SDF4: variants seen among roughly 807,000 people sequenced by gnomAD.
SDF4 encodes the protein 45 kDa calcium-binding protein.
A neutral mutation model predicts 34.2 loss-of-function variants in SDF4; 22 were observed. The observed-to-expected ratio is 0.64, with a 90% confidence interval of 0.46 to 0.92. The LOEUF (loss-of-function observed/expected upper bound fraction) is 0.92. Among genes scored for constraint, SDF4 ranks in the 40% least tolerant of loss-of-function variants. The pLI, the probability that SDF4 is intolerant of heterozygous loss-of-function variation, is 0.00. For synonymous variants in SDF4, 236 were observed against 203.1 expected (o/e 1.16, Z -1.38); for missense variants, 447 against 499.9 (o/e 0.89, Z 1.01).
intron 4 of SDF4, chr1:1,220,245 GGA>G (rs1223008487): frequency 2.4e-5 from 25 of 1,029,504 alleles, no homozygotes; most frequent in Non-Finnish European, 2.8e-5. Context: ...CCTGGATCAG[GGA>G]GAGTCAACGA....
At chr1:1,220,566 G>A (rs1296032662) in intron 4 of SDF4, 2 of 1,266,016 alleles carry the variant, frequency 1.6e-6, no homozygotes, top group Middle Eastern at 2.3e-4. Flanking sequence ...TGAGGTCGGG[G>A]AGGCCAAGAC....
chr1:1,221,820 C>T (rs982399045), intron 4 of SDF4, among the ~76,000 whole-genome samples: 8 of 152,102 alleles, frequency 5.3e-5, no homozygotes, highest in South Asian at 2.1e-4. Context: ...ATTAGCCAGG[C>T]GCGGTGATGG....
Position 1,218,677 on chromosome 1 carries a change from C to T in SDF4, c.716-44G>A. Reference sequence around the variant, plus strand: ...TCAGCCCACACCCAGGCTGGGGCTCCCGCAGGACCTGCCCCGACCTCCCGA... The same window carrying T: ...TCAGCCCACACCCAGGCTGGGGCTCTCGCAGGACCTGCCCCGACCTCCCGA... On this transcript the variant is annotated intron_variant, in intron 5 of 6. Transcript: ENST00000360001. This position sits in a 1 kb window ranked among gnomAD's most constrained non-coding sequence, Gnocchi z 7.9. 1 of 1,612,462 alleles carries T rather than the reference C, an allele frequency of 6.2e-7. No homozygotes were observed. The highest frequency in any genetic ancestry group is 8.5e-7 in the Non-Finnish European group (1 of 1,179,320).
At position 1,219,814 on chromosome 1, in the gene SDF4, G is replaced by C. The variant is rs1033581179; in HGVS notation, c.557-887C>G. 52 of 985,836 alleles carry C rather than the reference G, an allele frequency of 5.3e-5. No homozygotes were observed. The South Asian group carries it at 2.1e-3, about 39-fold the overall frequency. 61.1% of individuals were successfully genotyped at this position (985,836 alleles called of 1,614,324 possible). A position where few individuals can be genotyped will look rare whatever the true frequency, so the allele number is the denominator to read the frequency against. On this transcript the variant is annotated intron_variant, in intron 4 of 6. Transcript: ENST00000360001. Reference sequence around the variant, plus strand: ...GAGGCCCACACTCAGCCCCCTGCACGTGAGGCCCGACTCTGCCCTGGCCGA... The same window carrying C: ...GAGGCCCACACTCAGCCCCCTGCACCTGAGGCCCGACTCTGCCCTGGCCGA...
intron 1 of SDF4, among the ~76,000 whole-genome samples, chr1:1,230,840 A>T (rs1053579373): frequency 1.3e-5 from 2 of 152,214 alleles, no homozygotes; most frequent in African/African-American, 4.8e-5. Flanking sequence ...TCGCCTGACC[A>T]GGGGAGAGTC....
Position 1,223,352 on chromosome 1 carries a change from C to G in SDF4, c.448G>C (p.Val150Leu), listed in dbSNP as rs764634276. 2 of 1,608,174 alleles carry G rather than the reference C, an allele frequency of 1.2e-6. 1 individual carries two copies. Among genetic ancestry groups the G allele is most frequent in the Non-Finnish European group, 1.7e-6 (2 of 1,176,234 alleles). The change falls in exon 4 of 7, where the codon GTG (valine) becomes CTG (leucine). Residue 150 changes from valine to leucine, a missense_variant. Transcript: ENST00000360001. ...RAVDPDGDGH[V>L]SWDEYKVKFL... ...TTCACCTTATACTCGTCCCAAGACA[C>G]GTGACCTGGAAGAGCAGATCACACC... is the stretch of plus-strand genomic sequence containing the variant.
chr1:1,219,210 C>G (rs1162294042), intron 4 of SDF4: 6 of 1,256,766 alleles, frequency 4.8e-6, no homozygotes, highest in Admixed American at 3.4e-5. Flanking sequence ...TGGACCCCCC[C>G]CTGCCCCAGA....
chr1:1,221,261 G>A (rs1649937993), intron 4 of SDF4: 2 of 163,682 alleles, frequency 1.2e-5, no homozygotes, highest in South Asian at 3.3e-4. Context: ...ACCCCAGGAT[G>A]GGGAGAGGCC....
rs192660627 is a variant in SDF4 at position 1,222,114 on chromosome 1, G to A, written c.556+1130C>T. ...CCGTGGGCGACACGGGCGCCCTGCA[G>A]GGCAGCAGAGAACCCACCCCAGGAT... On this transcript the variant is annotated intron_variant, in intron 4 of 6. Coordinates refer to ENST00000360001, the MANE Select transcript of SDF4 (RefSeq NM_016176.6). Among the ~76,000 whole-genome samples, 1,201 of 152,374 alleles carry A rather than the reference G, an allele frequency of 7.9e-3. 17 individuals carry two copies. Among genetic ancestry groups the A allele is most frequent in the African/African-American group, 0.027 (1,119 of 41,586 alleles).
rs1221275165 is a variant in SDF4, at chr1:1,228,703, G to C, written c.70C>G (p.Leu24Val). The change falls in exon 2 of 7, where the codon CTG becomes GTG. Residue 24 changes from leucine to valine, a missense_variant. Transcript: ENST00000360001. ...GCAGGCCGTGCAGACGCGTCCATCA[G>C]AAGGACTGCCCCCAGGAGCCAGAGG... The part of the protein sequence containing the change: ...CCLWLLGAVL[L>V]MDASARPANH... 1.2e-6 allele frequency: 2 copies of C among 1,612,862 alleles called. No individual in the cohort carries two copies. The highest frequency in any genetic ancestry group is 4.5e-5 in the East Asian group (2 of 44,854).
chr1:1,231,093 G>C (rs2100990469), intron 1 of SDF4, among the ~76,000 whole-genome samples: 1 of 152,252 alleles, frequency 6.6e-6, no homozygotes, highest in South Asian at 2.1e-4. Context: ...ACCCTGTCTC[G>C]AAAAAGGGGG....
chr1:1,228,344 G>A (rs1638376373), intron 2 of SDF4, 124 bp downstream of exon 2: 2 of 1,114,730 alleles, frequency 1.8e-6, no homozygotes, highest in African/African-American at 1.6e-5. Context: ...TCACCGGCAC[G>A]TCTTCCCAGC....
At chr1:1,231,567 T>C (rs1411831724) in intron 1 of SDF4, among the ~76,000 whole-genome samples, 1 of 152,224 alleles carries the variant, frequency 6.6e-6, no homozygotes, top group African/African-American at 2.4e-5. Context: ...GCGGGGCAGC[T>C]TGTCCAAGGT....
chr1:1,225,031 G>A (rs1265919641), intron 2 of SDF4, among the ~76,000 whole-genome samples: 2 of 152,224 alleles, frequency 1.3e-5, no homozygotes, highest in Non-Finnish European at 2.9e-5. Flanking sequence ...TGGGGGATAG[G>A]GACACAGACT....
intron 4 of SDF4, chr1:1,221,429 G>A (rs1477950935): frequency 6.6e-6 from 1 of 152,528 alleles, no homozygotes; most frequent in Non-Finnish European, 1.5e-5. Flanking sequence ...TGGGCATGGT[G>A]GCACACACTG....
chr1:1,227,380 G>A (rs891197695), intron 2 of SDF4: 1 of 129,412 alleles, frequency 7.7e-6, no homozygotes, highest in Admixed American at 7.2e-5. Flanking sequence ...GCCAGGCCCG[G>A]CGGGAAGGCG....
chr1:1,229,000 G>A (rs889190797), intron 1 of SDF4, 54 bp from the exon 2 acceptor site: 14 of 583,146 alleles, frequency 2.4e-5, no homozygotes, highest in African/African-American at 2.2e-4. Flanking sequence ...ACTTCCCCAA[G>A]CACGTCTATC....
chr1:1,220,727 T>C (rs749826104), intron 4 of SDF4: 7 of 1,289,190 alleles, frequency 5.4e-6, no homozygotes, highest in African/African-American at 1.5e-5. Flanking sequence ...AGGTGGGCCA[T>C]GTCCTGGGCA....
intron 2 of SDF4, 145 bp from the exon 3 acceptor site, chr1:1,224,113 G>C: frequency 1.4e-6 from 2 of 1,444,880 alleles, no homozygotes; most frequent in South Asian, 2.7e-5. Flanking sequence ...CGCGAAAAGC[G>C]TCCGGGACGT....
Sources: gnomAD v4.1 joint callset for allele counts (sites outside exome capture counted in the v4.1 genomes callset) on GRCh38, gnomAD v4.1.1 for gene constraint, Gnocchi (gnomAD v3.1) non-coding constraint, MANE v1.5 for transcripts, NCBI Gene and HGNC (gene_info 2026-07-23, HGNC 2026-07-21) for gene names.